The following VAV1 variants were observed in gnomAD, a reference collection of about 807,000 sequenced individuals.
VAV1 encodes proto-oncogene vav.
A neutral mutation model predicts 128.1 loss-of-function variants in VAV1; 33 were observed. The ratio of observed to expected loss-of-function variants is 0.26; its 90% CI spans 0.20 to 0.34. The LOEUF (loss-of-function observed/expected upper bound fraction) is 0.34. Among genes scored for constraint, VAV1 ranks in the 10% least tolerant of loss-of-function variants. The pLI is 1.00. For synonymous variants in VAV1, 394 were observed against 409.8 expected (o/e 0.96, Z 0.47); for missense variants, 715 against 1,093.7 (o/e 0.65, Z 4.88).
Position 6,786,846 on chromosome 19 carries a change from C to T in VAV1, c.204+13835C>T, listed in dbSNP as rs642553. On this transcript the variant is annotated intron_variant, in intron 1 of 26. Transcript: ENST00000602142. ...TTTACTTTTCTTGGTATTGATTTGA[C>T]GTTTACTATTTTTATATTTTATTAT... 1.1e-4 allele frequency among the ~76,000 whole-genome samples: 17 copies of T among 151,770 alleles called. 1 individual carries two copies. The highest frequency in any genetic ancestry group is 9.8e-4 in the Admixed American group (15 of 15,240).
At chr19:6,794,931 G>A (rs2660487) in intron 1 of VAV1, among the ~76,000 whole-genome samples, 33,470 of 151,968 alleles carry the variant, frequency 0.22, 3,912 homozygotes, top group African/African-American at 0.3. Flanking sequence ...TGGGTGTCTG[G>A]GCTGGGATGA....
intron 22 of VAV1, among the ~76,000 whole-genome samples, chr19:6,845,130 C>G (rs970629122): frequency 1.3e-5 from 2 of 152,178 alleles, no homozygotes; most frequent in African/African-American, 4.8e-5. Context: ...CCTGTAATCT[C>G]AGCTCTTTGG....
chr19:6,825,154 T>A, intron 7 of VAV1, 33 bp downstream of exon 7: 1 of 1,602,316 alleles, frequency 6.2e-7, no homozygotes, highest in Non-Finnish European at 8.5e-7. Flanking sequence ...CTCTTGGGTC[T>A]GTCTAGTGCG....
chr19:6,840,308 T>C (rs935419457), intron 21 of VAV1, among the ~76,000 whole-genome samples: 8 of 147,742 alleles, frequency 5.4e-5, no homozygotes, highest in Non-Finnish European at 1.2e-4. Context: ...TCTTTCTTTT[T>C]TTTTTTTTTT....
At chr19:6,831,253 G>A (rs1972046405) in intron 14 of VAV1, among the ~76,000 whole-genome samples, 1 of 152,054 alleles carries the variant, frequency 6.6e-6, no homozygotes, top group Non-Finnish European at 1.5e-5. Flanking sequence ...TTTCTCCTGT[G>A]AACTCTTCCG....
chr19:6,850,673 T>C lies in VAV1; in HGVS notation c.2133T>C (p.Tyr711=). The C allele has an allele frequency of 6.2e-7, 1 of 1,614,050 alleles. No homozygotes were observed. The highest frequency in any genetic ancestry group is 1.1e-5 in the South Asian group (1 of 91,066). The stretch of plus-strand genomic sequence containing the variant: ...CCCGGTGACCATCTGGTTCCAGATA[T>C]AACGTCGAGGTCAAGCACATTAAAA... The part of the protein sequence containing the change: ...DAAEFAISIK[Y]NVEVKHIKIM... Residue 711 remains tyrosine, a synonymous_variant, in exon 24 of 27, where the codon TAT becomes TAC. Transcript: ENST00000602142.
chr19:6,821,396 G>C (rs926860665), intron 2 of VAV1, among the ~76,000 whole-genome samples: 1 of 151,910 alleles, frequency 6.6e-6, no homozygotes, highest in East Asian at 1.9e-4. Flanking sequence ...GTGAGACTCC[G>C]TTAAAAAAAA....
chr19:6,773,324 C>G (rs757684581), intron 1 of VAV1, among the ~76,000 whole-genome samples: 1 of 152,116 alleles, frequency 6.6e-6, no homozygotes, highest in African/African-American at 2.4e-5. Flanking sequence ...CAGATGGGAC[C>G]AACCAGAGGT....
At chr19:6,780,765 G>T (rs1970752721) in intron 1 of VAV1, among the ~76,000 whole-genome samples, 1 of 149,338 alleles carries the variant, frequency 6.7e-6, no homozygotes, top group Non-Finnish European at 1.5e-5. Context: ...GTAGAGACAG[G>T]GTTTCACCAT....
intron 15 of VAV1, among the ~76,000 whole-genome samples, chr19:6,832,569 C>CTATT (rs1446043959): frequency 3.8e-5 from 5 of 132,186 alleles, no homozygotes; most frequent in Non-Finnish European, 4.5e-5. Context: ...CTCCTTCCTC[C>CTATT]CCTTCCTCCT....
At chr19:6,839,865 T>C (rs569020742) in intron 21 of VAV1, among the ~76,000 whole-genome samples, 50 of 152,004 alleles carry the variant, frequency 3.3e-4, no homozygotes, top group African/African-American at 1.0e-3. Flanking sequence ...TAATTTTTTG[T>C]ATTTTTCGTA....
chr19:6,797,623 A>G (rs1314140429), intron 1 of VAV1, among the ~76,000 whole-genome samples: 3 of 151,908 alleles, frequency 2.0e-5, no homozygotes, highest in Non-Finnish European at 4.4e-5. Flanking sequence ...GAATTGTTTG[A>G]ACCCCGGGGG....
At chr19:6,825,704 G>C (rs1227721139) in intron 8 of VAV1, among the ~76,000 whole-genome samples, 1 of 152,154 alleles carries the variant, frequency 6.6e-6, no homozygotes, top group Non-Finnish European at 1.5e-5. Flanking sequence ...CTGGCACATA[G>C]TAGATGCTCA....
intron 1 of VAV1, among the ~76,000 whole-genome samples, chr19:6,774,091 G>C (rs1029398883): frequency 6.6e-6 from 1 of 152,120 alleles, no homozygotes; most frequent in Non-Finnish European, 1.5e-5. Flanking sequence ...ATTGGTGGAA[G>C]AGATCCATGC....
intron 21 of VAV1, among the ~76,000 whole-genome samples, chr19:6,841,396 TCAGAAA>T (rs1433305393): frequency 6.6e-6 from 1 of 152,080 alleles, no homozygotes; most frequent in Non-Finnish European, 1.5e-5. Flanking sequence ...GGGTATATAC[TCAGAAA>T]CAGGACGGCT....
In VAV1 at chr19:6,837,192, C is replaced by A. The variant is rs942353347; in HGVS notation, c.1980+142C>A. The A allele has an allele frequency of 9.0e-6, 7 of 779,218 alleles. No homozygotes were observed. In the African/African-American group the frequency reaches 1.2e-4, roughly 14 times the overall value. The allele number at this position is 779,218 out of a possible 1,614,324, so 48.3% of individuals were successfully genotyped here. A position where few individuals can be genotyped will look rare whatever the true frequency, so the allele number is the denominator to read the frequency against. On this transcript the variant is annotated intron_variant, in intron 21 of 26. Coordinates refer to ENST00000602142, the MANE Select transcript of VAV1 (RefSeq NM_005428.4). Reference sequence around the variant, plus strand: ...GGTCTTTCTCTAACTCAAGGCTTCACCCACCCCACCAACTGAGCCCAGAGA... The same window carrying A: ...GGTCTTTCTCTAACTCAAGGCTTCAACCACCCCACCAACTGAGCCCAGAGA...
At chr19:6,776,596 T>TCATCCATC (rs746307916) in intron 1 of VAV1, among the ~76,000 whole-genome samples, 1 of 126,454 alleles carries the variant, frequency 7.9e-6, no homozygotes, top group Non-Finnish European at 1.7e-5. Flanking sequence ...GTCCATCCAC[T>TCATCCATC]CATCCATCCA....
chr19:6,814,915 A>G (rs1027024627), intron 1 of VAV1, among the ~76,000 whole-genome samples: 3 of 151,736 alleles, frequency 2.0e-5, no homozygotes, highest in Admixed American at 6.6e-5. Context: ...AGGTTACAGA[A>G]GTTCCCTTCC....
chr19:6,787,906 C>G (rs1024230926), intron 1 of VAV1, among the ~76,000 whole-genome samples: 2 of 151,962 alleles, frequency 1.3e-5, no homozygotes, highest in Admixed American at 1.3e-4. Context: ...GAAACCCCGT[C>G]TCTACTAAAA....
Sources: allele counts gnomAD v4.1 joint callset (sites outside exome capture counted in the v4.1 genomes callset), GRCh38; gene constraint gnomAD v4.1.1; transcripts MANE v1.5; gene names NCBI Gene and HGNC (gene_info 2026-07-23, HGNC 2026-07-21).